PLPPR1: variants seen among roughly 807,000 people sequenced by gnomAD.
PLPPR1 encodes the protein phospholipid phosphatase related 1, also known as phospholipid phosphatase-related protein type 1.
In PLPPR1, 10 loss-of-function variants were observed where a neutral mutation model predicts 33.1. The observed-to-expected ratio is 0.30, with a 90% confidence interval of 0.19 to 0.51. PLPPR1 has a LOEUF of 0.51. PLPPR1 is among the 20% of genes least tolerant of loss of function. The pLI, the probability that PLPPR1 is intolerant of heterozygous loss-of-function variation, is 0.97. For missense variants in PLPPR1, 304 were observed against 408.1 expected, an observed-to-expected ratio of 0.74 and a Z score of 2.20; for synonymous variants, 151 against 151.0, an observed-to-expected ratio of 1.00 and a Z score of 0.00.
At chr9:101,181,014 G>T (rs1488007485) in intron 1 of PLPPR1, among the ~76,000 whole-genome samples, 1 of 150,840 alleles carries the variant, frequency 6.6e-6, no homozygotes, top group East Asian at 1.9e-4. Context: ...AATATATGAA[G>T]AACTCAAACA....
chr9:101,107,950 G>T (rs1279291475), intron 1 of PLPPR1, among the ~76,000 whole-genome samples: 1 of 150,694 alleles, frequency 6.6e-6, no homozygotes, highest in African/African-American at 2.5e-5. Flanking sequence ...ACTCGGAAAG[G>T]GAACTCCCTG....
intron 2 of PLPPR1, among the ~76,000 whole-genome samples, chr9:101,193,305 T>G (rs1826334698): frequency 6.6e-6 from 1 of 152,128 alleles, no homozygotes; most frequent in South Asian, 2.1e-4. Context: ...ACTATCCCCT[T>G]TTCCTATATT....
At chr9:101,308,937 CTA>C (rs1828903860) in intron 4 of PLPPR1, among the ~76,000 whole-genome samples, 1 of 152,166 alleles carries the variant, frequency 6.6e-6, no homozygotes. Flanking sequence ...ACTGATGTGT[CTA>C]TATGACTCCA....
intron 2 of PLPPR1, among the ~76,000 whole-genome samples, chr9:101,256,407 G>A (rs1827802782): frequency 6.6e-6 from 1 of 152,054 alleles, no homozygotes. Flanking sequence ...TAGTGATGCT[G>A]AGCCTGACTG....
chr9:101,047,132 A>ATTTTCTTTTCTTT (rs1830161695), intron 1 of PLPPR1, among the ~76,000 whole-genome samples: 1 of 152,188 alleles, frequency 6.6e-6, no homozygotes, highest in Non-Finnish European at 1.5e-5. Flanking sequence ...TAGATAATAC[A>ATTTTCTTTTCTTT]TCTTTTCTTC....
chr9:101,224,651 T>C (rs1245577181), intron 2 of PLPPR1, among the ~76,000 whole-genome samples: 1 of 152,200 alleles, frequency 6.6e-6, no homozygotes, highest in African/African-American at 2.4e-5. Context: ...TTCATTACAA[T>C]GTTGATAAGG....
chr9:101,178,007 A>G (rs1299300412), intron 1 of PLPPR1, among the ~76,000 whole-genome samples: 1 of 152,244 alleles, frequency 6.6e-6, no homozygotes, highest in Admixed American at 6.5e-5. Flanking sequence ...ATGTAAATAT[A>G]AAAGACATCA....
At chr9:101,181,668 A>G (rs889091191) in intron 1 of PLPPR1, among the ~76,000 whole-genome samples, 2 of 148,946 alleles carry the variant, frequency 1.3e-5, no homozygotes, top group African/African-American at 4.9e-5. Flanking sequence ...ATGTATATGT[A>G]TATATATGTA....
chr9:101,152,068 T>C (rs1159030273), intron 1 of PLPPR1, among the ~76,000 whole-genome samples: 1 of 152,250 alleles, frequency 6.6e-6, no homozygotes, highest in Non-Finnish European at 1.5e-5. Context: ...TGTTGTTTCC[T>C]GACTTTTTAA....
At chr9:101,058,578 A>G (rs1218273050) in intron 1 of PLPPR1, among the ~76,000 whole-genome samples, 2 of 152,160 alleles carry the variant, frequency 1.3e-5, no homozygotes, top group Non-Finnish European at 2.9e-5. Flanking sequence ...TGGGGAATAG[A>G]CATCTTACTG....
intron 1 of PLPPR1, among the ~76,000 whole-genome samples, chr9:101,160,536 AC>A (rs1265608380): frequency 6.6e-6 from 1 of 152,174 alleles, no homozygotes; most frequent in African/African-American, 2.4e-5. Flanking sequence ...AAAAATAAAG[AC>A]TATATATTCC....
At chr9:101,258,182 T>C (rs1827835728) in intron 2 of PLPPR1, among the ~76,000 whole-genome samples, 1 of 152,158 alleles carries the variant, frequency 6.6e-6, no homozygotes, top group Non-Finnish European at 1.5e-5. Flanking sequence ...ACATTTCTAT[T>C]ACACCATGAC....
chr9:101,201,870 T>G (rs1195530701), intron 2 of PLPPR1, among the ~76,000 whole-genome samples: 1 of 152,204 alleles, frequency 6.6e-6, no homozygotes, highest in African/African-American at 2.4e-5. Flanking sequence ...TGTGATTGAC[T>G]TTGGCATGAT....
chr9:101,095,751 T>G (rs956645998), intron 1 of PLPPR1, among the ~76,000 whole-genome samples: 4 of 152,128 alleles, frequency 2.6e-5, no homozygotes, highest in African/African-American at 9.7e-5. Flanking sequence ...CCAAGCTCTT[T>G]CTCTGCATAT....
intron 2 of PLPPR1, among the ~76,000 whole-genome samples, chr9:101,236,684 G>A (rs1827307056): frequency 1.3e-5 from 2 of 151,482 alleles, no homozygotes; most frequent in Non-Finnish European, 1.5e-5. Context: ...TGTATACAAC[G>A]TGTAATGATC....
chr9:101,108,010 C>A lies in PLPPR1; in HGVS notation c.-45-77440C>A, dbSNP rs1462190918. ...CAATGCCTCGCCCTGCTTCGGCTCGCGCACGGTGCGCGCACACACTGGCCT... is the reference window on the plus strand; with the variant it reads ...CAATGCCTCGCCCTGCTTCGGCTCGAGCACGGTGCGCGCACACACTGGCCT... On this transcript the variant is annotated intron_variant, in intron 1 of 7. Coordinates refer to ENST00000374874, the MANE Select transcript of PLPPR1 (RefSeq NM_207299.2). Among the ~76,000 whole-genome samples, 5 of 148,930 alleles carry A rather than the reference C, an allele frequency of 3.4e-5. No individual in the cohort carries two copies. The South Asian group carries it at 1.1e-3, about 32-fold the overall frequency.
chr9:101,281,784 T>C (rs570938703), intron 3 of PLPPR1, among the ~76,000 whole-genome samples: 1 of 152,188 alleles, frequency 6.6e-6, no homozygotes, highest in Admixed American at 6.5e-5. Context: ...CAAAGGATCA[T>C]ATTAGACTAT....
intron 1 of PLPPR1, among the ~76,000 whole-genome samples, chr9:101,099,274 C>T (rs1306751274): frequency 6.6e-6 from 1 of 152,134 alleles, no homozygotes; most frequent in Non-Finnish European, 1.5e-5. Context: ...TAATGTCCCT[C>T]CTAGCCCAGC....
chr9:101,276,019 G>C (rs953130053), intron 3 of PLPPR1, among the ~76,000 whole-genome samples: 1 of 152,130 alleles, frequency 6.6e-6, no homozygotes, highest in African/African-American at 2.4e-5. Context: ...GCACAGTGCA[G>C]ATCACAAAGT....
Sources: gnomAD v4.1 joint callset for allele counts (sites outside exome capture counted in the v4.1 genomes callset) on GRCh38, gnomAD v4.1.1 for gene constraint, MANE v1.5 for transcripts, NCBI Gene and HGNC (gene_info 2026-07-23, HGNC 2026-07-21) for gene names.